The following SLC20A2 variants were observed in gnomAD, a reference collection of about 807,000 sequenced individuals.
SLC20A2 encodes solute carrier family 20 member 2.
Under a neutral mutation model 61.0 loss-of-function variants are expected in SLC20A2, and 30 were observed. That is an observed-to-expected ratio of 0.49 (90% confidence interval 0.37 to 0.67). SLC20A2 has a LOEUF of 0.67. SLC20A2 is among the 30% of genes least tolerant of loss of function. The pLI is 0.00. For missense variants in SLC20A2, 626 were observed against 866.4 expected, an observed-to-expected ratio of 0.72 and a Z score of 3.48; for synonymous variants, 351 against 353.3, an observed-to-expected ratio of 0.99 and a Z score of 0.07.
At position 42,424,243 on chromosome 8, in the gene SLC20A2, C is replaced by T. The variant is rs950362836; in HGVS notation, c.1794+4515G>A. On this transcript the variant is annotated intron_variant, in intron 10 of 10. Coordinates refer to ENST00000520262, the MANE Select transcript of SLC20A2 (RefSeq NM_001257180.2). ...GGTCACAGAAGGGAAGAATGATGAA[C>T]GAATTGCTGAAACATAACATCTGAG... 2.7e-5 allele frequency among the ~76,000 whole-genome samples: 4 copies of T among 150,456 alleles called. No homozygotes were observed. The Admixed American group carries it at 2.7e-4, about 10-fold the overall frequency.
chr8:42,507,662 A>G (rs371476664), intron 1 of SLC20A2, among the ~76,000 whole-genome samples: 3 of 152,368 alleles, frequency 2.0e-5, no homozygotes, highest in East Asian at 1.9e-4. Context: ...CAAGATTTGT[A>G]TAAGTGGCAG....
chr8:42,533,581 T>C (rs13252777), intron 1 of SLC20A2, among the ~76,000 whole-genome samples: 1 of 151,046 alleles, frequency 6.6e-6, no homozygotes, highest in Non-Finnish European at 1.5e-5. Flanking sequence ...TTTACCGAGA[T>C]TGCGTCGTCA....
At chr8:42,436,605 T>C (rs1178561758) in intron 8 of SLC20A2, among the ~76,000 whole-genome samples, 1 of 152,132 alleles carries the variant, frequency 6.6e-6, no homozygotes, top group Non-Finnish European at 1.5e-5. Flanking sequence ...GTGCTCTGCA[T>C]CCACGACCTG....
chr8:42,474,031 C>A (rs943689573), intron 1 of SLC20A2, among the ~76,000 whole-genome samples: 1 of 151,982 alleles, frequency 6.6e-6, no homozygotes, highest in African/African-American at 2.4e-5. Context: ...ATTTGCTGGG[C>A]CTGGTGGCAG....
chr8:42,466,750 C>G (rs919657424), intron 2 of SLC20A2, among the ~76,000 whole-genome samples: 33 of 152,160 alleles, frequency 2.2e-4, no homozygotes, highest in African/African-American at 7.5e-4. Flanking sequence ...CTCACTGCAG[C>G]CTTAAACTCC....
chr8:42,419,780 T>C (rs1009049412), intron 10 of SLC20A2: 6 of 492,210 alleles, frequency 1.2e-5, no homozygotes, highest in Middle Eastern at 1.0e-3. Context: ...TTTTGGCTAA[T>C]TAACCGACAA....
At chr8:42,457,067 G>A (rs1201833025) in intron 5 of SLC20A2, among the ~76,000 whole-genome samples, 1 of 151,912 alleles carries the variant, frequency 6.6e-6, no homozygotes, top group Admixed American at 6.6e-5. Flanking sequence ...GGGATTACAG[G>A]TGCCCGCCAC....
chr8:42,451,966 G>A (rs1805721145), intron 5 of SLC20A2, among the ~76,000 whole-genome samples: 2 of 122,426 alleles, frequency 1.6e-5, no homozygotes, highest in African/African-American at 3.4e-5. Flanking sequence ...AGGAGGAGGA[G>A]GAAGAGATGA....
chr8:42,444,126 T>C (rs550577454), intron 6 of SLC20A2, among the ~76,000 whole-genome samples: 10 of 152,236 alleles, frequency 6.6e-5, no homozygotes, highest in Non-Finnish European at 1.3e-4. Flanking sequence ...TTTCATTTCT[T>C]TGGATAAATA....
chr8:42,505,187 C>T (rs1356592026), upstream of SLC20A2, among the ~76,000 whole-genome samples: 1 of 151,582 alleles, frequency 6.6e-6, no homozygotes, highest in Non-Finnish European at 1.5e-5. Flanking sequence ...TGGTTCACTG[C>T]AACCTCCACC....
At chr8:42,435,659 G>A (rs1484378639) in intron 8 of SLC20A2, among the ~76,000 whole-genome samples, 1 of 152,130 alleles carries the variant, frequency 6.6e-6, no homozygotes, top group African/African-American at 2.4e-5. Flanking sequence ...CAAGGTTGGA[G>A]GGTCATATCT....
chr8:42,453,924 G>A (rs1358572540), intron 5 of SLC20A2, among the ~76,000 whole-genome samples: 3 of 152,162 alleles, frequency 2.0e-5, no homozygotes, highest in East Asian at 1.9e-4. Flanking sequence ...TAACAGGCAC[G>A]GTTGGCCTTC....
intron 1 of SLC20A2, among the ~76,000 whole-genome samples, chr8:42,526,672 CA>C (rs35859760): frequency 4.3e-4 from 57 of 133,438 alleles, no homozygotes; most frequent in South Asian, 7.1e-4. Flanking sequence ...GACTCTGTCT[CA>C]AAAAAAAAAA....
intron 1 of SLC20A2, among the ~76,000 whole-genome samples, chr8:42,486,346 G>C (rs1302619204): frequency 6.6e-6 from 1 of 152,012 alleles, no homozygotes; most frequent in African/African-American, 2.4e-5. Flanking sequence ...GGAACTACAG[G>C]TGTGCGACAC....
At chr8:42,481,755 T>A (rs1457822352) in intron 1 of SLC20A2, among the ~76,000 whole-genome samples, 1 of 152,184 alleles carries the variant, frequency 6.6e-6, no homozygotes, top group Non-Finnish European at 1.5e-5. Flanking sequence ...ACGGCCTTCG[T>A]GGACTTATGG....
chr8:42,533,654 C>CTTTTTTTCTTTTTCTTTTTTTT (rs1253260874), intron 1 of SLC20A2, among the ~76,000 whole-genome samples: 1 of 55,298 alleles, frequency 1.8e-5, no homozygotes, highest in Non-Finnish European at 3.3e-5. Flanking sequence ...ATCAACTGTT[C>CTTTTTTTCTTTTTCTTTTTTTT]TTTTTTTTTT....
intron 1 of SLC20A2, among the ~76,000 whole-genome samples, chr8:42,495,948 C>G (rs1172795735): frequency 6.6e-6 from 1 of 152,098 alleles, no homozygotes; most frequent in Non-Finnish European, 1.5e-5. Flanking sequence ...GGGGGTTTCA[C>G]CATGTTGGTC....
At chr8:42,488,175 T>C (rs1386799423) in intron 1 of SLC20A2, among the ~76,000 whole-genome samples, 1 of 145,398 alleles carries the variant, frequency 6.9e-6, no homozygotes, top group Non-Finnish European at 1.5e-5. Flanking sequence ...CTGTGAATAA[T>C]ACTGCTTTTT....
rs1421961462 is a variant in SLC20A2, at chr8:42,462,156, T to G, written c.516+849A>C. Among the ~76,000 whole-genome samples the G allele has an allele frequency of 3.9e-5, 6 of 152,044 alleles. No homozygotes were observed. In the East Asian group the frequency reaches 7.8e-4, roughly 20 times the overall value. ...TAGGGCTTGCCAGGTGAGCATGGAT[T>G]CCAGAGACAGGAGGGGAGGGGTGAA... On this transcript the variant is annotated intron_variant, in intron 4 of 10. Coordinates refer to ENST00000520262, the MANE Select transcript of SLC20A2 (RefSeq NM_001257180.2).
Sources: allele counts gnomAD v4.1 joint callset (sites outside exome capture counted in the v4.1 genomes callset), GRCh38; gene constraint gnomAD v4.1.1; transcripts MANE v1.5; gene names NCBI Gene and HGNC (gene_info 2026-07-23, HGNC 2026-07-21).